ARAP3: variants seen among roughly 807,000 people sequenced by gnomAD.
ARAP3 encodes ArfGAP with RhoGAP domain, ankyrin repeat and PH domain 3, also known as arf-GAP with Rho-GAP domain, ANK repeat and PH domain-containing protein 3.
In ARAP3, 82 loss-of-function variants were observed where a neutral mutation model predicts 169.2. That is an observed-to-expected ratio of 0.48 (90% CI 0.41 to 0.58). ARAP3 has a LOEUF of 0.58. ARAP3 is among the 20% of genes least tolerant of loss of function. ARAP3 has a pLI of 0.00. For missense variants in ARAP3, 1,764 were observed against 2,018.0 expected (o/e 0.87, Z 2.41); for synonymous variants, 791 against 800.3 (o/e 0.99, Z 0.20).
At chr5:141,669,566 C>A in intron 16 of ARAP3, 143 bp downstream of exon 16, 1 of 759,438 alleles carries the variant, frequency 1.3e-6, no homozygotes, top group Non-Finnish European at 2.2e-6. Flanking sequence ...CAGTGCTTAA[C>A]ACAGGGCCTG....
Position 141,679,673 on chromosome 5 carries a change from G to T in ARAP3, c.587-17C>A. The T allele has an allele frequency of 6.2e-7, 1 of 1,613,930 alleles. No homozygotes were observed. The highest frequency in any genetic ancestry group is 8.5e-7 in the Non-Finnish European group (1 of 1,179,892). ...TGATGTGCACTGGCAGGAGGAGAGG[G>T]GAACGCACAAGGAAGAGGAGATCGC... On this transcript the variant is annotated splice_polypyrimidine_tract_variant and intron_variant, in intron 3 of 32. Transcript: ENST00000239440.
In ARAP3 at chr5:141,656,536, C is replaced by T; in HGVS notation, c.3757G>A (p.Gly1253Ser). 1 of 1,612,618 alleles carries T rather than the reference C, an allele frequency of 6.2e-7. No homozygotes were observed. The highest frequency in any genetic ancestry group is 8.5e-7 in the Non-Finnish European group (1 of 1,179,378). ...TCCTTGAGCAGCAGCAGGCAGCGGC[C>T]ACGCAGCAGAAAGAACCTCTCCTGG... Reference protein sequence around the residue: ...RFQERFFLLRGRCLLLLKEKK... With the variant: ...RFQERFFLLRSRCLLLLKEKK... The change falls in exon 27 of 33, where the codon GGC becomes AGC. Residue 1253 changes from glycine (G) to serine (S), a missense_variant. Gly to Ser is a moderately conservative substitution (Grantham distance 56). Transcript: ENST00000239440.
intron 16 of ARAP3, among the ~76,000 whole-genome samples, chr5:141,669,110 T>G (rs183302725): frequency 9.2e-5 from 14 of 152,152 alleles, no homozygotes; most frequent in African/African-American, 3.1e-4. Context: ...TCCTCAACCC[T>G]AGGGGGTGAG....
chr5:141,661,668 G>A lies in ARAP3; in HGVS notation c.3119+16C>T. On this transcript the variant is annotated intron_variant, in intron 21 of 32. Transcript: ENST00000239440. ...GAAGTGAGGAAGGGTTCTGCAGAGG[G>A]TCTAGCCATACTGACCGATAGAGAT... 1.2e-6 allele frequency: 2 copies of A among 1,611,544 alleles called. No individual in the cohort carries two copies. Among genetic ancestry groups the A allele is most frequent in the South Asian group, 2.2e-5 (2 of 91,022 alleles).
At chr5:141,668,485 C>T (rs934243981) in intron 16 of ARAP3, among the ~76,000 whole-genome samples, 5 of 152,202 alleles carry the variant, frequency 3.3e-5, no homozygotes, top group Non-Finnish European at 7.3e-5. Flanking sequence ...AAGTTCTGTG[C>T]TTATCCTGTC....
chr5:141,678,582 G>A (rs569760924), intron 4 of ARAP3, among the ~76,000 whole-genome samples: 1 of 151,092 alleles, frequency 6.6e-6, no homozygotes, highest in South Asian at 2.1e-4. Context: ...CCACCTCTCC[G>A]GTTCAAGCAA....
rs1281195613 is a variant in ARAP3, at chr5:141,656,288, A to C, written c.3790-12T>G. ...TCTGGTTTAGAGCTCTGAGAACAGA[A>C]ACAGAGTCAGCGAGATGGAGAGATG... On this transcript the variant is annotated splice_polypyrimidine_tract_variant and intron_variant, in intron 27 of 32. Transcript: ENST00000239440. 1 of 1,614,132 alleles carries C rather than the reference A, an allele frequency of 6.2e-7. No homozygotes were observed. Among genetic ancestry groups the C allele is most frequent in the South Asian group, 1.1e-5 (1 of 91,084 alleles).
rs1403073734 is a variant in ARAP3, at chr5:141,655,995, C to T, written c.3909-63G>A. The T allele has an allele frequency of 3.7e-6, 6 of 1,613,544 alleles. No homozygotes were observed. The East Asian group carries it at 1.3e-4, about 36-fold the overall frequency. Reference sequence around the variant, plus strand: ...GTCACAGCTATAGGAATGGAGCATACAAAGAGGGAAGAGAAAAGACAGGGT... The same window carrying T: ...GTCACAGCTATAGGAATGGAGCATATAAAGAGGGAAGAGAAAAGACAGGGT... On this transcript the variant is annotated intron_variant, in intron 29 of 32. Transcript: ENST00000239440.
At chr5:141,666,026 G>A (rs1975987) in intron 17 of ARAP3, among the ~76,000 whole-genome samples, 4,575 of 139,874 alleles carry the variant, frequency 0.033, 108 homozygotes, top group Admixed American at 0.06. Context: ...GGGACAGAGC[G>A]TGACTCTGTC....
rs756673882 is a variant in ARAP3, at chr5:141,672,615, C to T, written c.1322G>A (p.Gly441Asp). The T allele has an allele frequency of 3.1e-6, 5 of 1,613,976 alleles. No individual in the cohort carries two copies. Among genetic ancestry groups the T allele is most frequent in the Non-Finnish European group, 4.2e-6 (5 of 1,179,910 alleles). ...ACTCTTGGTCTCCCGGACGCTGCAGCCCTGCAGTTCGATGAAGCAGATCCC... is the reference window on the plus strand; with the variant it reads ...ACTCTTGGTCTCCCGGACGCTGCAGTCCTGCAGTTCGATGAAGCAGATCCC... ...GIGICFIELQ[G>D]CSVRETKSRS... The change falls in exon 9 of 33, where the codon GGC becomes GAC. Residue 441 changes from glycine (G) to aspartate (D), a missense_variant. By Grantham distance (94) the Gly-to-Asp change is moderately conservative. Coordinates refer to ENST00000239440, the MANE Select transcript of ARAP3 (RefSeq NM_022481.6). The surrounding 1 kb of genome is among the most constrained non-coding windows in gnomAD (Gnocchi z 4.9).
intron 19 of ARAP3, among the ~76,000 whole-genome samples, chr5:141,663,477 CAG>C (rs1350266398): frequency 6.6e-6 from 1 of 152,166 alleles, no homozygotes; most frequent in African/African-American, 2.4e-5. Context: ...TTAATAGAAA[CAG>C]GGTTTCACCA....
At position 141,656,845 on chromosome 5, in the gene ARAP3, C is replaced by T. The variant is rs1240789386; in HGVS notation, c.3528G>A (p.Glu1176=). Residue 1176 remains glutamate, a splice_region_variant and synonymous_variant, in exon 26 of 33, where the codon GAG becomes GAA. Transcript: ENST00000239440. Reference sequence around the variant, plus strand: ...CCTTTTCCTTGGGATGCAGTGGCCGCTCTTAAGGGGAAAGGTGAGGGTTTA... The same window carrying T: ...CCTTTTCCTTGGGATGCAGTGGCCGTTCTTAAGGGGAAAGGTGAGGGTTTA... The part of the protein sequence containing the change: ...TFEIREHGEL[E]RPLHPKEKVL... The T allele has an allele frequency of 1.2e-6, 2 of 1,612,884 alleles. No homozygotes were observed. The highest frequency in any genetic ancestry group is 1.3e-5 in the African/African-American group (1 of 75,000).
At chr5:141,670,805 G>A (rs973536434) in intron 13 of ARAP3, among the ~76,000 whole-genome samples, 177 bp from the exon 14 acceptor site, 2 of 152,178 alleles carry the variant, frequency 1.3e-5, no homozygotes, top group African/African-American at 4.8e-5. Flanking sequence ...GAGAGAGGCA[G>A]GGGGTAATGA....
chr5:141,655,475 G>T, intron 31 of ARAP3, 75 bp from the exon 32 acceptor site: 1 of 1,579,170 alleles, frequency 6.3e-7, no homozygotes, highest in South Asian at 1.1e-5. Flanking sequence ...CAGGAGACAG[G>T]GGTGGGGAAT....
At chr5:141,658,698 A>C (rs1462086356) in intron 23 of ARAP3, 45 bp from the exon 24 acceptor site, 12 of 1,514,346 alleles carry the variant, frequency 7.9e-6, no homozygotes, top group Non-Finnish European at 1.1e-5. Flanking sequence ...AAAAGGGTGC[A>C]AAAGACATCA....
At chr5:141,669,879 A>C (rs2099911197) in intron 15 of ARAP3, 43 bp downstream of exon 15, 1 of 1,609,878 alleles carries the variant, frequency 6.2e-7, no homozygotes, top group Non-Finnish European at 8.5e-7. Context: ...GGAGGTTGGG[A>C]AGAGAAAAGG....
Position 141,655,703 on chromosome 5 carries a change from C to T in ARAP3, c.4028G>A (p.Arg1343His), listed in dbSNP as rs138515824. 46 of 1,614,014 alleles carry T rather than the reference C, an allele frequency of 2.9e-5. No homozygotes were observed. In the African/African-American group the frequency reaches 3.7e-4, roughly 13 times the overall value. The change falls in exon 31 of 33, where the codon CGT becomes CAT. Residue 1343 changes from arginine (R) to histidine (H), a missense_variant. This residue lies in a region of ARAP3 where 1,112 missense variants were observed against 1,285.7 expected (regional missense o/e 0.86). Coordinates refer to ENST00000239440, the MANE Select transcript of ARAP3 (RefSeq NM_022481.6). ...LRRHSSSDLARQKFGTMPLLP... is the reference protein window; with the variant it reads ...LRRHSSSDLAHQKFGTMPLLP... ...CAAAGGCATAGTGCCAAACTTCTGA[C>T]GGGCAAGGTCAGAGGAGGAATGGCG...
chr5:141,674,656 A>C (rs1373504545), intron 4 of ARAP3, among the ~76,000 whole-genome samples: 1 of 152,128 alleles, frequency 6.6e-6, no homozygotes, highest in Non-Finnish European at 1.5e-5. Flanking sequence ...TATTGGGAAA[A>C]TTTCAGTCCA....
chr5:141,673,539 G>A (rs1596492961), intron 5 of ARAP3, 66 bp downstream of exon 5: 7 of 1,612,784 alleles, frequency 4.3e-6, no homozygotes, highest in Admixed American at 3.3e-5. Context: ...AGGGTCTGGG[G>A]GCACTTTCCC....
Sources: allele counts gnomAD v4.1 joint callset (sites outside exome capture counted in the v4.1 genomes callset), GRCh38; gene constraint gnomAD v4.1.1; regional missense constraint gnomAD v4.1.1; non-coding constraint Gnocchi (gnomAD v3.1); transcripts MANE v1.5; gene names NCBI Gene and HGNC (gene_info 2026-07-23, HGNC 2026-07-21).